Variants in CCDC171 observed in about 807,000 individuals in gnomAD.
The protein encoded by CCDC171 is coiled-coil domain-containing protein 171.
CCDC171 carries 177 observed loss-of-function variants against 168.2 expected under a neutral mutation model. The observed-to-expected ratio is 1.05, with a 90% CI of 0.93 to 1.19. The LOEUF (loss-of-function observed/expected upper bound fraction) is 1.19, where lower values mean the gene tolerates loss of function less well. CCDC171 is among the 50% of genes most tolerant of loss of function. The pLI, the probability that CCDC171 is intolerant of heterozygous loss-of-function variation, is 0.00. For missense variants in CCDC171, 1,991 were observed against 1,539.0 expected, an observed-to-expected ratio of 1.29 and a Z score of -4.91; for synonymous variants, 687 against 540.8, an observed-to-expected ratio of 1.27 and a Z score of -3.75.
intron 21 of CCDC171, among the ~76,000 whole-genome samples, chr9:15,810,308 C>A (rs1016859949): frequency 3.3e-5 from 5 of 152,238 alleles, no homozygotes; most frequent in Admixed American, 1.3e-4. Context: ...CAAGTCCCCA[C>A]CCGACTCAGG....
chr9:15,566,177 T>A (rs1185231491), intron 2 of CCDC171, among the ~76,000 whole-genome samples: 2 of 151,812 alleles, frequency 1.3e-5, no homozygotes, highest in Non-Finnish European at 2.9e-5. Flanking sequence ...TCTTCAGATC[T>A]GTTTATTTTT....
rs1048523622 is a variant in CCDC171 at position 15,971,603 on chromosome 9, TCA to T, written c.3754-3_3754-2del. 2 of 1,605,044 alleles carry T rather than the reference TCA, an allele frequency of 1.2e-6. No homozygotes were observed. Among genetic ancestry groups the T allele is most frequent in the Non-Finnish European group, 1.7e-6 (2 of 1,173,232 alleles). ...GTTTATTATTTTTTTCTTTTGTATG[TCA>T]CAGATAGGATCACGAGACCATTCAA... On this transcript the variant is annotated splice_region_variant and splice_polypyrimidine_tract_variant and intron_variant, in intron 25 of 25. Coordinates refer to ENST00000380701, the MANE Select transcript of CCDC171 (RefSeq NM_173550.4).
rs567286584 is a variant in CCDC171 at position 15,558,196 on chromosome 9, C to G, written c.-112+4894C>G. On this transcript the variant is annotated intron_variant, in intron 1 of 25. Coordinates refer to ENST00000380701, the MANE Select transcript of CCDC171 (RefSeq NM_173550.4). Reference sequence around the variant, plus strand: ...TTCATCAGGGATATTGGCTAAAATTCTCTTTTTTTGTTGTGTCTCTGCCAG... The same window carrying G: ...TTCATCAGGGATATTGGCTAAAATTGTCTTTTTTTGTTGTGTCTCTGCCAG... 3.3e-5 allele frequency among the ~76,000 whole-genome samples: 5 copies of G among 152,096 alleles called. No individual in the cohort carries two copies. In the South Asian group the frequency reaches 8.3e-4, roughly 25 times the overall value.
At chr9:16,012,018 T>C (rs1486157250) in intron 3 of CCDC171, among the ~76,000 whole-genome samples, 1 of 152,182 alleles carries the variant, frequency 6.6e-6, no homozygotes, top group Non-Finnish European at 1.5e-5. Flanking sequence ...TCCTTCTCAA[T>C]CACTTCATTT....
intron 6 of CCDC171, among the ~76,000 whole-genome samples, chr9:16,024,133 CT>C (rs1833230208): frequency 6.6e-6 from 1 of 152,030 alleles, no homozygotes; most frequent in South Asian, 2.1e-4. Context: ...CACCTAGATC[CT>C]CCCAAAGGAA....
intron 18 of CCDC171, among the ~76,000 whole-genome samples, chr9:15,767,205 G>A (rs909248245): frequency 6.6e-6 from 1 of 152,212 alleles, no homozygotes; most frequent in East Asian, 1.9e-4. Flanking sequence ...GAGATCAGAT[G>A]TCTGAAATAG....
chr9:15,561,775 C>T (rs1427396017), intron 1 of CCDC171, among the ~76,000 whole-genome samples: 1 of 151,906 alleles, frequency 6.6e-6, no homozygotes, highest in African/African-American at 2.4e-5. Context: ...GAAGTAAATC[C>T]TTGTTCTCTG....
intron 18 of CCDC171, among the ~76,000 whole-genome samples, chr9:15,752,011 C>T (rs2055779226): frequency 6.6e-6 from 1 of 152,158 alleles, no homozygotes; most frequent in Non-Finnish European, 1.5e-5. Flanking sequence ...ATTTATCCAT[C>T]TGACAAAGGG....
chr9:15,648,517 AT>A (rs1391386968), intron 7 of CCDC171, among the ~76,000 whole-genome samples: 2 of 152,220 alleles, frequency 1.3e-5, no homozygotes, highest in African/African-American at 4.8e-5. Context: ...TCAGCCCAAA[AT>A]CTCCTTAAGC....
At chr9:15,563,781 C>G (rs1352875332) in intron 1 of CCDC171, among the ~76,000 whole-genome samples, 197 bp from the exon 2 acceptor site, 2 of 152,196 alleles carry the variant, frequency 1.3e-5, no homozygotes, top group Non-Finnish European at 2.9e-5. Context: ...TTTCTCAGCA[C>G]TGAGATACAG....
chr9:15,575,041 T>C (rs931323158), intron 3 of CCDC171, among the ~76,000 whole-genome samples: 4 of 150,940 alleles, frequency 2.7e-5, no homozygotes, highest in African/African-American at 7.3e-5. Flanking sequence ...TTGTGGAAAA[T>C]AGGACAAGAA....
intron 21 of CCDC171, among the ~76,000 whole-genome samples, chr9:15,794,868 A>G (rs1588544446): frequency 6.6e-6 from 1 of 152,046 alleles, no homozygotes; most frequent in Non-Finnish European, 1.5e-5. Flanking sequence ...CAGTTTCTTA[A>G]TTTTTCACTT....
intron 8 of CCDC171, among the ~76,000 whole-genome samples, chr9:15,664,841 G>A (rs1291329986): frequency 1.3e-5 from 2 of 151,576 alleles, no homozygotes; most frequent in South Asian, 2.1e-4. Context: ...TGGGATTACA[G>A]GCACGCACCA....
At chr9:15,631,972 C>G (rs535368446) in intron 7 of CCDC171, among the ~76,000 whole-genome samples, 1,818 of 152,112 alleles carry the variant, frequency 0.012, 19 homozygotes, top group Middle Eastern at 0.037. Context: ...ATTCAACAAC[C>G]CTTCATGCTA....
the CCDC171 span, among the ~76,000 whole-genome samples, chr9:16,097,920 A>T: frequency 6.6e-6 from 1 of 152,208 alleles, no homozygotes; most frequent in African/African-American, 2.4e-5. Context: ...ATCCTGCCCT[A>T]GGTGGTGATC....
intron 7 of CCDC171, among the ~76,000 whole-genome samples, chr9:15,631,229 A>G (rs1221658328): frequency 6.6e-6 from 1 of 152,056 alleles, no homozygotes; most frequent in African/African-American, 2.4e-5. Flanking sequence ...TAATGAATCC[A>G]GAAGCTGGTT....
chr9:15,689,459 C>G (rs1465601880), intron 10 of CCDC171, among the ~76,000 whole-genome samples: 2 of 152,144 alleles, frequency 1.3e-5, no homozygotes, highest in African/African-American at 2.4e-5. Context: ...GCCTGTAATC[C>G]TAGCACTTTG....
chr9:15,670,145 G>A (rs757645315), intron 9 of CCDC171, among the ~76,000 whole-genome samples: 18 of 151,880 alleles, frequency 1.2e-4, no homozygotes, highest in Non-Finnish European at 2.2e-4. Flanking sequence ...CTCCTTCTTG[G>A]TTGGGAGTTT....
chr9:15,577,994 C>G (rs137981005), intron 3 of CCDC171, among the ~76,000 whole-genome samples: 103 of 152,310 alleles, frequency 6.8e-4, no homozygotes, highest in Non-Finnish European at 1.2e-3. Flanking sequence ...GGAAGGATCA[C>G]AAATTCGATA....
Sources: allele counts gnomAD v4.1 joint callset (sites outside exome capture counted in the v4.1 genomes callset), GRCh38; gene constraint gnomAD v4.1.1; transcripts MANE v1.5; gene names NCBI Gene and HGNC (gene_info 2026-07-23, HGNC 2026-07-21).